TEX11: variants seen among roughly 807,000 people sequenced by gnomAD.
The protein encoded by TEX11 is testis expressed 11.
TEX11 carries 7 observed loss-of-function variants against 84.4 expected under a neutral mutation model. The observed-to-expected ratio is 0.08, with a 90% CI of 0.05 to 0.16. TEX11 has a LOEUF of 0.16. Among genes scored for constraint, TEX11 ranks in the 10% least tolerant of loss-of-function variants. TEX11 has a pLI of 1.00. For missense variants in TEX11, 551 were observed against 660.5 expected, an observed-to-expected ratio of 0.83 and a Z score of 1.82; for synonymous variants, 264 against 222.8, an observed-to-expected ratio of 1.18 and a Z score of -1.64.
chrX:70,753,079 C>G (rs914499374), intron 9 of TEX11, among the ~76,000 whole-genome samples: 1 of 109,321 alleles, frequency 9.1e-6, no homozygotes, highest in African/African-American at 3.3e-5. Context: ...GCCCCGCCAC[C>G]GTGGGCTAAA....
chrX:70,863,109 G>A (rs2091579695), intron 4 of TEX11, among the ~76,000 whole-genome samples: 1 of 110,886 alleles, frequency 9.0e-6, no homozygotes, highest in Non-Finnish European at 1.9e-5. Context: ...CCTGGGGGAA[G>A]GGGCGTCTGT....
intron 9 of TEX11, among the ~76,000 whole-genome samples, chrX:70,782,645 C>CAAAAAAAAAAA (rs780011355): frequency 2.1e-4 from 6 of 28,902 alleles, no homozygotes; most frequent in African/African-American, 2.0e-4. Flanking sequence ...AAATGGAAAG[C>CAAAAAAAAAAA]AAAAAAAAAA....
At position 70,853,214 on chromosome X, in the gene TEX11, T is replaced by C. The variant is rs201123250; in HGVS notation, c.405+34A>G. The stretch of plus-strand genomic sequence containing the variant: ...GAATAACCACAGATGTTACTACTAA[T>C]AATTGCCTCAGCTAAAAGTCAATGG... On this transcript the variant is annotated intron_variant, in intron 6 of 29. Coordinates refer to ENST00000374333, the MANE Select transcript of TEX11 (RefSeq NM_031276.3). 2.7e-4 allele frequency: 324 copies of C among 1,204,522 alleles called. 1 individual carries two copies. The South Asian group carries it at 3.0e-3, about 11-fold the overall frequency.
intron 25 of TEX11, among the ~76,000 whole-genome samples, chrX:70,575,276 T>C (rs937284907): frequency 1.8e-5 from 2 of 111,594 alleles, no homozygotes; most frequent in African/African-American, 6.5e-5. Flanking sequence ...AATTTGTTAT[T>C]GAGAATGGGC....
At chrX:70,762,230 T>A (rs1166519639) in intron 9 of TEX11, among the ~76,000 whole-genome samples, 1 of 111,992 alleles carries the variant, frequency 8.9e-6, no homozygotes, top group Non-Finnish European at 1.9e-5. Context: ...CAAAACTCAC[T>A]GGTAATATAA....
chrX:70,893,164 T>C (rs2091748166), intron 2 of TEX11, among the ~76,000 whole-genome samples: 1 of 110,934 alleles, frequency 9.0e-6, no homozygotes, highest in South Asian at 3.8e-4. Flanking sequence ...TTAACAAGGA[T>C]ATTCAGGACT....
intron 17 of TEX11, among the ~76,000 whole-genome samples, chrX:70,631,318 A>T (rs993380303): frequency 1.8e-5 from 2 of 112,702 alleles, no homozygotes; most frequent in African/African-American, 6.4e-5. Context: ...CAATGAAATG[A>T]AATTAAAAAT....
chrX:70,623,789 C>G (rs959431831), intron 20 of TEX11, among the ~76,000 whole-genome samples, 161 bp downstream of exon 20: 1 of 111,457 alleles, frequency 9.0e-6, no homozygotes, highest in Non-Finnish European at 1.9e-5. Flanking sequence ...GGTTACACAT[C>G]TGGTAAGCAG....
intron 25 of TEX11, among the ~76,000 whole-genome samples, chrX:70,566,713 T>C (rs1419851918): frequency 4.5e-5 from 5 of 111,760 alleles, no homozygotes; most frequent in Non-Finnish European, 5.6e-5. Flanking sequence ...CATTTATTGA[T>C]TTGCATATAT....
chrX:70,728,218 C>A (rs2090614324), intron 11 of TEX11, among the ~76,000 whole-genome samples: 1 of 112,618 alleles, frequency 8.9e-6, no homozygotes, highest in African/African-American at 3.2e-5. Context: ...CAGCTCCAGT[C>A]TACAGCTCCC....
intron 17 of TEX11, among the ~76,000 whole-genome samples, chrX:70,647,286 A>G (rs1195749795): frequency 8.9e-6 from 1 of 111,739 alleles, no homozygotes; most frequent in Non-Finnish European, 1.9e-5. Context: ...AGAATACAGA[A>G]TTTCCGTTGA....
chrX:70,888,270 C>G (rs1481739674), intron 2 of TEX11, among the ~76,000 whole-genome samples: 1 of 112,559 alleles, frequency 8.9e-6, no homozygotes, highest in African/African-American at 3.2e-5. Context: ...GACATGTGAC[C>G]TTTCAGAGAG....
intron 18 of TEX11, among the ~76,000 whole-genome samples, chrX:70,627,330 T>C (rs1182644903): frequency 3.6e-5 from 4 of 112,436 alleles, no homozygotes; most frequent in African/African-American, 1.3e-4. Context: ...CATGTTCATA[T>C]GCTGATGGGA....
At chrX:70,875,290 G>T (rs2091649981) in intron 3 of TEX11, among the ~76,000 whole-genome samples, 2 of 111,051 alleles carry the variant, frequency 1.8e-5, no homozygotes, top group South Asian at 7.7e-4. Context: ...AAAATGTGTG[G>T]GGGGATAATC....
At chrX:70,512,911 T>A in the TEX11 span, among the ~76,000 whole-genome samples, 1 of 109,118 alleles carries the variant, frequency 9.2e-6, no homozygotes, top group African/African-American at 3.4e-5. Context: ...CTAGCAGTTG[T>A]CCCTCTTGTA....
chrX:70,593,443 C>G (rs2088962454), intron 24 of TEX11, among the ~76,000 whole-genome samples: 1 of 111,910 alleles, frequency 8.9e-6, no homozygotes, highest in Non-Finnish European at 1.9e-5. Flanking sequence ...AACATATTAT[C>G]TAAAACGTCC....
downstream of TEX11, among the ~76,000 whole-genome samples, chrX:70,527,992 T>A (rs1483925131): frequency 8.9e-6 from 1 of 112,355 alleles, no homozygotes; most frequent in East Asian, 2.8e-4. Flanking sequence ...GGTACACTAA[T>A]GCCAGTCTAC....
At chrX:70,548,684 C>T (rs1348485840) in intron 28 of TEX11, among the ~76,000 whole-genome samples, 2 of 111,795 alleles carry the variant, frequency 1.8e-5, no homozygotes, top group Non-Finnish European at 3.8e-5. Context: ...GGGCAGAACT[C>T]AACTGATGCT....
At chrX:70,602,780 CAT>C (rs1405801049) in intron 24 of TEX11, among the ~76,000 whole-genome samples, 33 of 97,048 alleles carry the variant, frequency 3.4e-4, no homozygotes, top group African/African-American at 1.1e-3. Context: ...TTGCAGATGA[CAT>C]GATTGTATAT....
Sources: allele counts gnomAD v4.1 joint callset (sites outside exome capture counted in the v4.1 genomes callset), GRCh38; gene constraint gnomAD v4.1.1; transcripts MANE v1.5; gene names NCBI Gene and HGNC (gene_info 2026-07-23, HGNC 2026-07-21).